Variants in SGCG observed in about 807,000 individuals in gnomAD.
The protein encoded by SGCG is gamma-sarcoglycan.
In SGCG, 26 loss-of-function variants were observed where a neutral mutation model predicts 29.3. That is an observed-to-expected ratio of 0.89 (90% CI 0.65 to 1.23). The LOEUF is 1.23. Ranked by LOEUF, SGCG falls within the 50% of genes most tolerant of loss-of-function variation. The pLI is 0.00. For synonymous variants in SGCG, 145 were observed against 129.7 expected (o/e 1.12, Z -0.80); for missense variants, 353 against 356.0 (o/e 0.99, Z 0.07).
At chr13:23,294,513 C>T (rs1216824415) in intron 5 of SGCG, among the ~76,000 whole-genome samples, 2 of 152,158 alleles carry the variant, frequency 1.3e-5, no homozygotes, top group Admixed American at 6.5e-5. Flanking sequence ...GGTTCAGACC[C>T]ACTTCATTTT....
At chr13:23,187,165 G>A (rs1466272695) in intron 1 of SGCG, among the ~76,000 whole-genome samples, 2 of 152,156 alleles carry the variant, frequency 1.3e-5, no homozygotes, top group Non-Finnish European at 2.9e-5. Context: ...CCCCATTGTG[G>A]GAGCCCTGGA....
chr13:23,252,389 T>A (rs1162372232), intron 4 of SGCG, among the ~76,000 whole-genome samples: 1 of 152,116 alleles, frequency 6.6e-6, no homozygotes, highest in Non-Finnish European at 1.5e-5. Context: ...TCTTCTTATA[T>A]TCCTATAAAA....
chr13:23,216,634 T>A (rs1196734795), intron 2 of SGCG, among the ~76,000 whole-genome samples: 1 of 152,132 alleles, frequency 6.6e-6, no homozygotes, highest in African/African-American at 2.4e-5. Context: ...TTGTATAAAA[T>A]ATGTATTTTC....
intron 7 of SGCG, 109 bp downstream of exon 7, chr13:23,320,869 T>C (rs1789773296): frequency 8.5e-7 from 1 of 1,173,082 alleles, no homozygotes; most frequent in Non-Finnish European, 1.3e-6. Context: ...TAGGAAAACA[T>C]TGTGAAGGTC....
chr13:23,312,211 A>G (rs989920468), intron 6 of SGCG, among the ~76,000 whole-genome samples: 10 of 152,230 alleles, frequency 6.6e-5, no homozygotes, highest in African/African-American at 2.4e-4. Flanking sequence ...GGAAATTTCT[A>G]TAAGCTAAAA....
intron 3 of SGCG, among the ~76,000 whole-genome samples, chr13:23,242,153 G>A (rs777869765): frequency 1.3e-5 from 2 of 152,100 alleles, no homozygotes; most frequent in Non-Finnish European, 2.9e-5. Flanking sequence ...ATAACTTTAT[G>A]CCAATAAATG....
intron 3 of SGCG, among the ~76,000 whole-genome samples, chr13:23,248,380 T>C (rs1368067305): frequency 6.6e-5 from 10 of 152,124 alleles, no homozygotes; most frequent in Non-Finnish European, 1.5e-4. Context: ...GTTCTGAGTG[T>C]AGTATTATCA....
At chr13:23,164,377 G>C in the SGCG span, among the ~76,000 whole-genome samples, 1 of 152,076 alleles carries the variant, frequency 6.6e-6, no homozygotes, top group Non-Finnish European at 1.5e-5. Context: ...GTCACTTTAG[G>C]TGTTTCATTT....
intron 3 of SGCG, among the ~76,000 whole-genome samples, chr13:23,239,692 C>T (rs1352593627): frequency 1.3e-5 from 2 of 152,126 alleles, no homozygotes; most frequent in Non-Finnish European, 2.9e-5. Flanking sequence ...AAACAAAGAC[C>T]GTAACAGAAA....
At chr13:23,299,591 G>T (rs9552917) in intron 6 of SGCG, among the ~76,000 whole-genome samples, 82,389 of 147,654 alleles carry the variant, frequency 0.56, 24,128 homozygotes, top group East Asian at 0.85. Flanking sequence ...TAGCTGAGAT[G>T]ACAGGTGCCT....
At chr13:23,316,548 G>A (rs917718025) in intron 6 of SGCG, among the ~76,000 whole-genome samples, 7 of 152,170 alleles carry the variant, frequency 4.6e-5, no homozygotes, top group Admixed American at 3.9e-4. Flanking sequence ...CAGGGCTGGG[G>A]CAGAGTTCTC....
In SGCG at chr13:23,250,677, G is replaced by A. The variant is rs1800352; in HGVS notation, c.345G>A (p.Ala115=). ...CAACCCAGAATGTGACTGTAAATGC[G>A]CGCAACTCAGAAGGGGAGGTCACAG... ...LQSTQNVTVN[A]RNSEGEVTGR... is the part of the protein sequence containing the mutation. Residue 115 remains alanine, a synonymous_variant, in exon 4 of 8, where the codon GCG becomes GCA. Coordinates refer to ENST00000218867, the MANE Select transcript of SGCG (RefSeq NM_000231.3). 5.0e-5 allele frequency: 80 copies of A among 1,612,982 alleles called. No homozygotes were observed. The highest frequency in any genetic ancestry group is 4.9e-4 in the Middle Eastern group (3 of 6,062).
intron 4 of SGCG, among the ~76,000 whole-genome samples, chr13:23,278,539 T>G (rs1566028218): frequency 6.6e-6 from 1 of 151,988 alleles, no homozygotes; most frequent in Non-Finnish European, 1.5e-5. Flanking sequence ...CTAGGAAGAT[T>G]AATCCATGAG....
At chr13:23,215,898 G>A (rs1397131738) in intron 2 of SGCG, among the ~76,000 whole-genome samples, 1 of 151,508 alleles carries the variant, frequency 6.6e-6, no homozygotes, top group African/African-American at 2.4e-5. Context: ...AAATGTGGAA[G>A]ACCAATTTGA....
At chr13:23,293,135 T>A (rs1328791732) in intron 5 of SGCG, among the ~76,000 whole-genome samples, 1 of 152,218 alleles carries the variant, frequency 6.6e-6, no homozygotes, top group Non-Finnish European at 1.5e-5. Context: ...TACGTAATGA[T>A]CTCCATTATC....
intron 4 of SGCG, among the ~76,000 whole-genome samples, chr13:23,255,135 G>A (rs1027331279): frequency 3.9e-5 from 6 of 152,150 alleles, no homozygotes; most frequent in African/African-American, 9.7e-5. Flanking sequence ...CCCCAGAATC[G>A]TCGAGCTACC....
chr13:23,191,516 T>G (rs1023653117), intron 1 of SGCG, among the ~76,000 whole-genome samples: 1 of 152,182 alleles, frequency 6.6e-6, no homozygotes, highest in Non-Finnish European at 1.5e-5. Context: ...CCACCAAATG[T>G]TGGGATGCAT....
At chr13:23,302,679 C>T (rs1490947779) in intron 6 of SGCG, among the ~76,000 whole-genome samples, 1 of 151,646 alleles carries the variant, frequency 6.6e-6, no homozygotes, top group East Asian at 1.9e-4. Context: ...AAGAAAAAAT[C>T]AATATATTAA....
intron 6 of SGCG, among the ~76,000 whole-genome samples, chr13:23,308,571 A>AT (rs199573084): frequency 1.6e-3 from 236 of 147,510 alleles, no homozygotes; most frequent in African/African-American, 4.2e-3. Context: ...TTTTCATGTA[A>AT]TTTTTTTTTT....
Sources: gnomAD v4.1 joint callset for allele counts (sites outside exome capture counted in the v4.1 genomes callset) on GRCh38, gnomAD v4.1.1 for gene constraint, MANE v1.5 for transcripts, NCBI Gene and HGNC (gene_info 2026-07-23, HGNC 2026-07-21) for gene names.